REDIC1: variants seen among roughly 807,000 people sequenced by gnomAD.
REDIC1 encodes regulator of DNA class I crossover intermediates 1, also known as HEI10 Interacting Protein 1.
At chr12:39,754,679 A>G in the REDIC1 span, among the ~76,000 whole-genome samples, 1 of 152,120 alleles carries the variant, frequency 6.6e-6, no homozygotes, top group East Asian at 1.9e-4. Flanking sequence ...TTTCACTTAC[A>G]GAACCACCAC....
the REDIC1 span, among the ~76,000 whole-genome samples, chr12:39,812,128 G>A: frequency 6.6e-6 from 1 of 152,038 alleles, no homozygotes; most frequent in East Asian, 1.9e-4. Context: ...CAAGATCTAG[G>A]CACAAGAAGA....
the REDIC1 span, among the ~76,000 whole-genome samples, chr12:39,887,528 G>T: frequency 6.6e-6 from 1 of 152,186 alleles, no homozygotes; most frequent in Non-Finnish European, 1.5e-5. Context: ...GGAAGTAGAG[G>T]CCCTCACTCC....
the REDIC1 span, among the ~76,000 whole-genome samples, chr12:39,667,237 A>G: frequency 6.6e-6 from 1 of 152,168 alleles, no homozygotes; most frequent in Non-Finnish European, 1.5e-5. Context: ...CACTGCTTTG[A>G]ATGTGTCCCA....
At chr12:39,668,218 C>A in the REDIC1 span, among the ~76,000 whole-genome samples, 1 of 151,984 alleles carries the variant, frequency 6.6e-6, no homozygotes, top group Non-Finnish European at 1.5e-5. Context: ...TTGTTCCTTT[C>A]CATGTTTATT....
At chr12:39,759,869 G>A in the REDIC1 span, 1 of 589,890 alleles carries the variant, frequency 1.7e-6, no homozygotes, top group Non-Finnish European at 3.0e-6. Flanking sequence ...AAGTCATCAT[G>A]GTTGTATCTT....
chr12:39,904,791 C>T, the REDIC1 span, among the ~76,000 whole-genome samples: 9 of 152,112 alleles, frequency 5.9e-5, no homozygotes, highest in Non-Finnish European at 7.4e-5. Flanking sequence ...TAAGTGCATG[C>T]TACTTCTTTA....
At chr12:39,852,964 T>C in the REDIC1 span, among the ~76,000 whole-genome samples, 1 of 152,242 alleles carries the variant, frequency 6.6e-6, no homozygotes, top group African/African-American at 2.4e-5. Context: ...CAGAAAATTC[T>C]GTAACCAATG....
the REDIC1 span, among the ~76,000 whole-genome samples, chr12:39,709,741 A>G: frequency 6.6e-6 from 1 of 151,618 alleles, no homozygotes; most frequent in Non-Finnish European, 1.5e-5. Context: ...CCATTCTTTC[A>G]TTGGTGGTCA....
chr12:39,847,760 T>C, the REDIC1 span, among the ~76,000 whole-genome samples: 4 of 152,178 alleles, frequency 2.6e-5, no homozygotes, highest in African/African-American at 7.2e-5. Flanking sequence ...TCTTCTGTAA[T>C]ATACAGCCTA....
At chr12:39,768,313 C>T in the REDIC1 span, among the ~76,000 whole-genome samples, 1 of 152,038 alleles carries the variant, frequency 6.6e-6, no homozygotes, top group African/African-American at 2.4e-5. Context: ...TTCTTCATAT[C>T]GGCAATAAGG....
the REDIC1 span, chr12:39,830,146 C>G: frequency 2.5e-6 from 4 of 1,613,724 alleles, no homozygotes; most frequent in Non-Finnish European, 3.4e-6. Flanking sequence ...TTAACTGGAA[C>G]ACAGGAGGAG....
the REDIC1 span, among the ~76,000 whole-genome samples, chr12:39,884,268 C>T: frequency 2.0e-5 from 3 of 152,220 alleles, no homozygotes; most frequent in East Asian, 5.8e-4. Flanking sequence ...TGGACCCAGC[C>T]AAACTAAATC....
chr12:39,711,078 T>C, the REDIC1 span, among the ~76,000 whole-genome samples: 1 of 151,444 alleles, frequency 6.6e-6, no homozygotes, highest in Non-Finnish European at 1.5e-5. Context: ...CAAAGTCCAT[T>C]GTATCATACT....
chr12:39,817,404 G>C, the REDIC1 span, among the ~76,000 whole-genome samples: 2 of 128,796 alleles, frequency 1.6e-5, no homozygotes, highest in African/African-American at 5.1e-5. Flanking sequence ...GGGTGTGCTG[G>C]CTTCTAGTTG....
chr12:39,864,279 G>C, the REDIC1 span, among the ~76,000 whole-genome samples: 2 of 152,290 alleles, frequency 1.3e-5, no homozygotes, highest in African/African-American at 4.8e-5. Flanking sequence ...TCCTCTGAAA[G>C]AGCCTCAGTA....
At chr12:39,867,475 CA>C in the REDIC1 span, among the ~76,000 whole-genome samples, 14 of 146,084 alleles carry the variant, frequency 9.6e-5, no homozygotes, top group African/African-American at 1.5e-4. Context: ...AAAACAAAAA[CA>C]AAAAAAAAAC....
At chr12:39,754,640 T>C in the REDIC1 span, among the ~76,000 whole-genome samples, 1 of 152,048 alleles carries the variant, frequency 6.6e-6, no homozygotes, top group Non-Finnish European at 1.5e-5. Context: ...AAAAGAACTG[T>C]CAACTGGCCT....
the REDIC1 span, among the ~76,000 whole-genome samples, chr12:39,883,146 T>A: frequency 3.3e-5 from 5 of 152,202 alleles, no homozygotes; most frequent in African/African-American, 1.2e-4. Context: ...TAAATTTTAA[T>A]CTCTTTAATA....
At chr12:39,781,011 A>G in the REDIC1 span, among the ~76,000 whole-genome samples, 1 of 152,202 alleles carries the variant, frequency 6.6e-6, no homozygotes, top group Non-Finnish European at 1.5e-5. Flanking sequence ...ACTGTAAGGC[A>G]GTTTCACAAT....
Sources: gnomAD v4.1 joint callset for allele counts (sites outside exome capture counted in the v4.1 genomes callset) on GRCh38, gnomAD v4.1.1 for gene constraint, MANE v1.5 for transcripts, NCBI Gene and HGNC (gene_info 2026-07-23, HGNC 2026-07-21) for gene names.